The following CCDC144A variants were observed in gnomAD, a reference collection of about 807,000 sequenced individuals.
CCDC144A encodes the protein coiled-coil domain containing 144A.
A neutral mutation model predicts 143.8 loss-of-function variants in CCDC144A; 41 were observed. That is an observed-to-expected ratio of 0.29 (90% CI 0.22 to 0.37). The LOEUF (loss-of-function observed/expected upper bound fraction) is 0.37. Among genes scored for constraint, CCDC144A ranks in the 10% least tolerant of loss-of-function variants. The pLI, the probability that CCDC144A is intolerant of heterozygous loss-of-function variation, is 1.00. For synonymous variants in CCDC144A, 242 were observed against 517.9 expected, an observed-to-expected ratio of 0.47 and a Z score of 7.23; for missense variants, 637 against 1,488.8, an observed-to-expected ratio of 0.43 and a Z score of 9.41.
intron 12 of CCDC144A, chr17:16,746,640 G>A: frequency 6.2e-7 from 1 of 1,612,534 alleles, no homozygotes; most frequent in Non-Finnish European, 8.5e-7. Flanking sequence ...CTTGAGTAGA[G>A]ATGAGGATAA....
intron 2 of CCDC144A, among the ~76,000 whole-genome samples, chr17:16,694,170 C>G (rs1027334920): frequency 6.7e-6 from 1 of 150,106 alleles, no homozygotes; most frequent in Non-Finnish European, 1.5e-5. Context: ...AGTTCAAATC[C>G]GTGTTGTTCA....
intron 8 of CCDC144A, among the ~76,000 whole-genome samples, chr17:16,722,939 A>G (rs553229064): frequency 1.3e-5 from 2 of 152,324 alleles, no homozygotes; most frequent in African/African-American, 2.4e-5. Flanking sequence ...TTACATTTTT[A>G]CGTCCATGTT....
chr17:16,696,407 A>G (rs889485377), intron 2 of CCDC144A, among the ~76,000 whole-genome samples: 4 of 151,254 alleles, frequency 2.6e-5, no homozygotes, highest in African/African-American at 9.7e-5. Context: ...CAAGGAGGGC[A>G]GATCACAAGG....
chr17:16,711,148 A>AAAAAAG (rs1039482911), intron 5 of CCDC144A, among the ~76,000 whole-genome samples: 6 of 140,872 alleles, frequency 4.3e-5, no homozygotes, highest in African/African-American at 1.6e-4. Flanking sequence ...AAAAAAAAAA[A>AAAAAAG]AAAAAAAAAA....
Position 16,776,021 on chromosome 17 carries a change from G to A in CCDC144A, c.*2388G>A, listed in dbSNP as rs1253890040. The stretch of plus-strand genomic sequence containing the variant: ...TCAAAGATCACATGGTTGTAGGTGT[G>A]TGGTCTTATTTCTGGGTTCTCTATT... On this transcript the variant is annotated 3_prime_UTR_variant, in exon 17 of 17. Coordinates refer to ENST00000399273, the MANE Select transcript of CCDC144A (RefSeq NM_001382000.1). The A allele has an allele frequency of 2.0e-5, 3 of 152,166 alleles. No individual in the cohort carries two copies. The highest frequency in any genetic ancestry group is 1.5e-5 in the Non-Finnish European group (1 of 68,042). 9.4% of individuals were successfully genotyped at this position (152,166 alleles called of 1,614,324 possible).
intron 12 of CCDC144A, among the ~76,000 whole-genome samples, chr17:16,753,531 G>T (rs1397651518): frequency 6.7e-6 from 1 of 148,358 alleles, no homozygotes; most frequent in East Asian, 2.0e-4. Flanking sequence ...AGAATAGTGG[G>T]ACGGCCTTCT....
upstream of CCDC144A, among the ~76,000 whole-genome samples, chr17:16,687,589 G>T (rs1422748296): frequency 1.3e-5 from 2 of 152,182 alleles, no homozygotes; most frequent in East Asian, 3.9e-4. Context: ...TGCTGCCCAC[G>T]AACATTACGG....
At chr17:16,667,454 C>CAGGGGCTGACGCGGGTG in the CCDC144A span, among the ~76,000 whole-genome samples, 1 of 150,830 alleles carries the variant, frequency 6.6e-6, no homozygotes, top group South Asian at 2.1e-4. Flanking sequence ...TGAGGTGGCT[C>CAGGGGCTGACGCGGGTG]AGGGGCTGAC....
rs1232721866 is a variant in CCDC144A at position 16,746,518 on chromosome 17, G to C, written c.3372+10875G>C. The C allele has an allele frequency of 3.1e-6, 5 of 1,613,592 alleles. No homozygotes were observed. In the African/African-American group the frequency reaches 6.7e-5, roughly 22 times the overall value. ...TGGTCTTCTCTTCCTCCACACAGTAGGTTTCTAAAAACTTCTTATATTCTG... is the reference window on the plus strand; with the variant it reads ...TGGTCTTCTCTTCCTCCACACAGTACGTTTCTAAAAACTTCTTATATTCTG... On this transcript the variant is annotated intron_variant, in intron 12 of 16. Transcript: ENST00000399273.
chr17:16,753,427 A>AGTTTTTTTTGTTGTTGTT (rs1914894777), intron 12 of CCDC144A, among the ~76,000 whole-genome samples: 1 of 43,488 alleles, frequency 2.3e-5, no homozygotes, highest in African/African-American at 8.9e-5. Context: ...AGTGTTTTGT[A>AGTTTTTTTTGTTGTTGTT]GTTTTTTTTT....
chr17:16,712,444 G>GTCAC (rs1454746141), intron 6 of CCDC144A, among the ~76,000 whole-genome samples: 1 of 151,998 alleles, frequency 6.6e-6, no homozygotes, highest in African/African-American at 2.4e-5. Flanking sequence ...TTTCAAATAT[G>GTCAC]TCACTTCTTT....
chr17:16,670,680 A>G, the CCDC144A span, among the ~76,000 whole-genome samples: 1 of 150,886 alleles, frequency 6.6e-6, no homozygotes, highest in Non-Finnish European at 1.5e-5. Flanking sequence ...GCTAATTTTT[A>G]TATTGTTTTA....
chr17:16,694,805 T>C (rs1911302484), intron 2 of CCDC144A, among the ~76,000 whole-genome samples: 1 of 152,108 alleles, frequency 6.6e-6, no homozygotes, highest in Admixed American at 6.5e-5. Flanking sequence ...TAGAACAAGA[T>C]GTGTTTTTCT....
rs1597598774 is a variant in CCDC144A, at chr17:16,769,678, G to C, written c.4099-2299G>C. Among the ~76,000 whole-genome samples, 6 of 152,142 alleles carry C rather than the reference G, an allele frequency of 3.9e-5. No homozygotes were observed. In the South Asian group the frequency reaches 1.3e-3, roughly 32 times the overall value. ...GAAAAATGGGTTCTTTATAAATTGAGTGTCTTGACTGGTACTAGCCAGAAG... is the reference window on the plus strand; with the variant it reads ...GAAAAATGGGTTCTTTATAAATTGACTGTCTTGACTGGTACTAGCCAGAAG... On this transcript the variant is annotated intron_variant, in intron 15 of 16. Transcript: ENST00000399273.
chr17:16,748,109 C>T (rs2143304676), intron 12 of CCDC144A, among the ~76,000 whole-genome samples: 1 of 152,304 alleles, frequency 6.6e-6, no homozygotes, highest in South Asian at 2.1e-4. Flanking sequence ...TCTCAGACTC[C>T]TGGCCTCAAG....
intron 2 of CCDC144A, among the ~76,000 whole-genome samples, chr17:16,697,643 G>A (rs1185152659): frequency 6.6e-6 from 1 of 152,234 alleles, no homozygotes; most frequent in Non-Finnish European, 1.5e-5. Flanking sequence ...TTCTTGGCAT[G>A]ATGCCTTTTT....
chr17:16,743,793 T>G (rs1914368105), intron 12 of CCDC144A, among the ~76,000 whole-genome samples: 1 of 152,190 alleles, frequency 6.6e-6, no homozygotes, highest in Non-Finnish European at 1.5e-5. Context: ...ACCCAGGTAA[T>G]GAGCATAGTA....
At chr17:16,676,626 C>G in the CCDC144A span, among the ~76,000 whole-genome samples, 2 of 151,610 alleles carry the variant, frequency 1.3e-5, no homozygotes, top group African/African-American at 4.8e-5. Context: ...ATGCTGCTTC[C>G]TTTCCTTTCT....
the CCDC144A span, among the ~76,000 whole-genome samples, chr17:16,669,964 T>C: frequency 6.6e-6 from 1 of 152,068 alleles, no homozygotes; most frequent in African/African-American, 2.4e-5. Flanking sequence ...GGGTGGATAA[T>C]GAGATCAGGA....
Sources: allele counts gnomAD v4.1 joint callset (sites outside exome capture counted in the v4.1 genomes callset), GRCh38; gene constraint gnomAD v4.1.1; transcripts MANE v1.5; gene names NCBI Gene and HGNC (gene_info 2026-07-23, HGNC 2026-07-21).